Variants in BTRC observed in about 807,000 individuals in gnomAD.
BTRC encodes the protein F-box/WD repeat-containing protein 1A.
Under a neutral mutation model 85.5 loss-of-function variants are expected in BTRC, and 42 were observed. That is an observed-to-expected ratio of 0.49 (90% CI 0.38 to 0.64). The LOEUF is 0.64. BTRC is among the 30% of genes least tolerant of loss of function. The pLI is 0.00. For missense variants in BTRC, 594 were observed against 743.5 expected (o/e 0.80, Z 2.34); for synonymous variants, 255 against 263.3 (o/e 0.97, Z 0.30).
At chr10:101,446,570 T>C (rs953594653) in intron 2 of BTRC, among the ~76,000 whole-genome samples, 1 of 152,214 alleles carries the variant, frequency 6.6e-6, no homozygotes, top group Non-Finnish European at 1.5e-5. Context: ...GCTACTGCTA[T>C]TGTAAAAACA....
chr10:101,533,723 G>A (rs1411515607), intron 9 of BTRC, among the ~76,000 whole-genome samples: 1 of 152,048 alleles, frequency 6.6e-6, no homozygotes, highest in African/African-American at 2.4e-5. Flanking sequence ...ATAGACCTAG[G>A]AAAAAAGCGG....
At chr10:101,485,141 G>T (rs532159678) in intron 4 of BTRC, among the ~76,000 whole-genome samples, 1 of 152,058 alleles carries the variant, frequency 6.6e-6, no homozygotes, top group East Asian at 1.9e-4. Context: ...CAGGAATCTT[G>T]GTCTGTGTTA....
chr10:101,366,789 T>TA (rs201185248), intron 1 of BTRC, among the ~76,000 whole-genome samples: 12,259 of 95,324 alleles, frequency 0.13, 2,631 homozygotes, highest in Middle Eastern at 0.2. Flanking sequence ...TATATATATA[T>TA]TTTTACATTT....
intron 4 of BTRC, among the ~76,000 whole-genome samples, chr10:101,513,414 C>T (rs1218660314): frequency 6.6e-6 from 1 of 152,176 alleles, no homozygotes; most frequent in South Asian, 2.1e-4. Context: ...GTCCCAAAAA[C>T]ATCCCTTGTA....
intron 1 of BTRC, among the ~76,000 whole-genome samples, chr10:101,376,875 A>G (rs555411325): frequency 2.6e-4 from 39 of 152,228 alleles, no homozygotes; most frequent in African/African-American, 8.2e-4. Context: ...CTCTCATTCC[A>G]TTTTACTCTT....
chr10:101,516,264 T>C (rs894747197), intron 4 of BTRC, among the ~76,000 whole-genome samples: 2 of 152,166 alleles, frequency 1.3e-5, no homozygotes, highest in Non-Finnish European at 2.9e-5. Context: ...ATTTGTTCCT[T>C]ACAAAAACCC....
At chr10:101,365,589 C>T (rs1942349410) in intron 1 of BTRC, among the ~76,000 whole-genome samples, 1 of 151,972 alleles carries the variant, frequency 6.6e-6, no homozygotes, top group Admixed American at 6.6e-5. Flanking sequence ...AATTCTCCTG[C>T]CTCAGCTTCC....
intron 4 of BTRC, among the ~76,000 whole-genome samples, chr10:101,488,955 C>T (rs542319842): frequency 1.3e-5 from 2 of 152,136 alleles, no homozygotes; most frequent in South Asian, 4.1e-4. Flanking sequence ...ATAGGTATAA[C>T]TCTCTAGGCT....
intron 3 of BTRC, among the ~76,000 whole-genome samples, chr10:101,479,145 A>G (rs914397409): frequency 6.6e-6 from 1 of 152,188 alleles, no homozygotes; most frequent in African/African-American, 2.4e-5. Context: ...AATACAGTGA[A>G]GCCACTGCTG....
chr10:101,415,800 C>T (rs1943930151), intron 1 of BTRC, among the ~76,000 whole-genome samples: 1 of 151,982 alleles, frequency 6.6e-6, no homozygotes, highest in Non-Finnish European at 1.5e-5. Flanking sequence ...CTCAGCCTCC[C>T]AAAGTGCTGG....
chr10:101,545,795 A>G (rs1182699709), intron 13 of BTRC, among the ~76,000 whole-genome samples: 1 of 152,216 alleles, frequency 6.6e-6, no homozygotes, highest in African/African-American at 2.4e-5. Context: ...CCATTCTAAC[A>G]CTAGTCAGAA....
intron 4 of BTRC, among the ~76,000 whole-genome samples, chr10:101,517,243 A>G (rs2062035754): frequency 2.0e-5 from 3 of 152,314 alleles, no homozygotes; most frequent in South Asian, 2.1e-4. Flanking sequence ...TTCTGTGTAT[A>G]TAAAATGGCC....
chr10:101,365,031 G>A lies in BTRC; in HGVS notation c.48+10803G>A, dbSNP rs1564728508. The A allele has an allele frequency of 2.0e-5, 3 of 151,686 alleles. No homozygotes were observed. In the South Asian group the frequency reaches 6.2e-4, roughly 32 times the overall value. 9.4% of individuals were successfully genotyped at this position (151,686 alleles called of 1,614,324 possible). A position where few individuals can be genotyped will look rare whatever the true frequency, so the allele number is the denominator to read the frequency against. On this transcript the variant is annotated intron_variant, in intron 1 of 14. Transcript: ENST00000370187. ...TTGATCTTAGCCAAAAGGCCGAGAA[G>A]TGATTTTAATTCTTTTTCTTTTTTT...
chr10:101,534,578 A>AG (rs1263523462), intron 9 of BTRC, 83 bp from the exon 10 acceptor site: 20 of 1,535,210 alleles, frequency 1.3e-5, no homozygotes, highest in Non-Finnish European at 1.7e-5. Context: ...TCTAAATATA[A>AG]GGGGTGGAAG....
At chr10:101,432,436 T>C (rs1449484945) in intron 2 of BTRC, among the ~76,000 whole-genome samples, 1 of 152,164 alleles carries the variant, frequency 6.6e-6, no homozygotes, top group African/African-American at 2.4e-5. Context: ...CTATATCCTA[T>C]ATTTTTAACT....
At chr10:101,369,924 C>A (rs971823436) in intron 1 of BTRC, among the ~76,000 whole-genome samples, 1 of 152,122 alleles carries the variant, frequency 6.6e-6, no homozygotes, top group East Asian at 1.9e-4. Flanking sequence ...TTCCCCACAC[C>A]CACTATATAG....
At chr10:101,475,924 T>TATATATATTC (rs1305296326) in intron 3 of BTRC, among the ~76,000 whole-genome samples, 1 of 93,554 alleles carries the variant, frequency 1.1e-5, no homozygotes, top group Non-Finnish European at 2.1e-5. Flanking sequence ...TATTTTGCCA[T>TATATATATTC]ATATATATAT....
At chr10:101,370,486 G>T (rs1942602672) in intron 1 of BTRC, among the ~76,000 whole-genome samples, 1 of 152,116 alleles carries the variant, frequency 6.6e-6, no homozygotes, top group South Asian at 2.1e-4. Context: ...TGTCTGTTTT[G>T]CCTGGCCCTG....
chr10:101,457,297 A>G (rs887134978), intron 2 of BTRC, among the ~76,000 whole-genome samples: 2 of 152,168 alleles, frequency 1.3e-5, no homozygotes, highest in Non-Finnish European at 2.9e-5. Context: ...CTTTGACAGC[A>G]TGCTACCTGC....
Sources: allele counts gnomAD v4.1 joint callset (sites outside exome capture counted in the v4.1 genomes callset), GRCh38; gene constraint gnomAD v4.1.1; transcripts MANE v1.5; gene names NCBI Gene and HGNC (gene_info 2026-07-23, HGNC 2026-07-21).